The following RPRD1B variants were observed in gnomAD, a reference collection of about 807,000 sequenced individuals.
RPRD1B encodes the protein regulation of nuclear pre-mRNA domain-containing protein 1B.
A neutral mutation model predicts 41.5 loss-of-function variants in RPRD1B; 11 were observed. That is an observed-to-expected ratio of 0.27 (90% CI 0.17 to 0.44). The LOEUF is 0.44. RPRD1B is among the 20% of genes least tolerant of loss of function. The pLI is 1.00. For synonymous variants in RPRD1B, 158 were observed against 155.6 expected (o/e 1.02, Z -0.12); for missense variants, 248 against 389.9 (o/e 0.64, Z 3.06).
chr20:38,073,533 C>T (rs571751633), intron 6 of RPRD1B, among the ~76,000 whole-genome samples: 1 of 152,302 alleles, frequency 6.6e-6, no homozygotes, highest in South Asian at 2.1e-4. Flanking sequence ...TCTTTGGCTA[C>T]AGTTGAAGGG....
chr20:38,051,338 A>G (rs2074182996), intron 3 of RPRD1B, among the ~76,000 whole-genome samples: 1 of 152,230 alleles, frequency 6.6e-6, no homozygotes, highest in Admixed American at 6.5e-5. Context: ...TATTTGAGCC[A>G]CATGTGACTC....
At chr20:38,037,117 C>T (rs2074011464) in intron 1 of RPRD1B, among the ~76,000 whole-genome samples, 3 of 152,320 alleles carry the variant, frequency 2.0e-5, no homozygotes, top group Admixed American at 2.0e-4. Context: ...CAGACTGTCT[C>T]TGAGTTGCCT....
chr20:38,070,412 A>G, intron 6 of RPRD1B: 2 of 985,540 alleles, frequency 2.0e-6, no homozygotes, highest in Non-Finnish European at 2.4e-6. Context: ...TGGAGGGTAT[A>G]GAAGAAAGCC....
chr20:38,065,687 A>C (rs1034475417), intron 5 of RPRD1B, among the ~76,000 whole-genome samples: 1 of 152,192 alleles, frequency 6.6e-6, no homozygotes, highest in Non-Finnish European at 1.5e-5. Flanking sequence ...ACAGATACAG[A>C]ACCCACAGAT....
rs1410412967 is a variant in RPRD1B, at chr20:38,059,421, G to A, written c.556G>A (p.Asp186Asn). 3 of 1,613,686 alleles carry A rather than the reference G, an allele frequency of 1.9e-6. No homozygotes were observed. In the East Asian group the frequency reaches 6.7e-5, roughly 36 times the overall value. The change falls in exon 5 of 7, where the codon GAT becomes AAT. Residue 186 changes from aspartate (D) to asparagine (N), a missense_variant. Asp to Asn is a conservative substitution (Grantham distance 23). Transcript: ENST00000373433. ...LTEELIKALQ[D>N]LENAASGDAT... ...TGAGGAACTAATCAAAGCTTTGCAG[G>A]ATCTGGAAAATGCCGCATCAGGGGA...
intron 5 of RPRD1B, among the ~76,000 whole-genome samples, chr20:38,064,792 T>G (rs895578889): frequency 3.3e-5 from 5 of 152,174 alleles, no homozygotes; most frequent in African/African-American, 1.2e-4. Flanking sequence ...AAAGCCATCC[T>G]GGCTAACACA....
chr20:38,081,084 T>G (rs2074508186), intron 6 of RPRD1B, among the ~76,000 whole-genome samples: 1 of 152,226 alleles, frequency 6.6e-6, no homozygotes, highest in Non-Finnish European at 1.5e-5. Context: ...CAAAAATAGT[T>G]TTTCCTAATT....
intron 6 of RPRD1B, among the ~76,000 whole-genome samples, chr20:38,082,433 C>T (rs1421339003): frequency 1.3e-5 from 2 of 152,176 alleles, no homozygotes; most frequent in Non-Finnish European, 2.9e-5. Context: ...GTCCCCCAGG[C>T]TGGAGTAGAG....
intron 6 of RPRD1B, chr20:38,070,801 A>G: frequency 1.1e-6 from 1 of 872,316 alleles, no homozygotes; most frequent in South Asian, 5.3e-5. Flanking sequence ...AGTGCAGTAG[A>G]GCAATCTGAG....
chr20:38,059,517 A>G lies in RPRD1B; in HGVS notation c.652A>G (p.Thr218Ala), dbSNP rs2074275802. Residue 218 changes from threonine (T) to alanine (A), a missense_variant, in exon 5 of 7, where the codon ACA becomes GCA. By Grantham distance (58) the Thr-to-Ala change is moderately conservative. Around this residue, in one of 5 missense-constraint regions of RPRD1B, gnomAD observed 93 missense variants for 167.2 expected, o/e 0.56. Coordinates refer to ENST00000373433, the MANE Select transcript of RPRD1B (RefSeq NM_021215.4). ...VQDVSLLEKITDKEAAERLSK... is the reference protein window; with the variant it reads ...VQDVSLLEKIADKEAAERLSK... Reference sequence around the variant, plus strand: ...AGATGTTTCTCTATTGGAAAAAATAACAGGTGAGAAGGTAGAGTTTGGGTG... The same window carrying G: ...AGATGTTTCTCTATTGGAAAAAATAGCAGGTGAGAAGGTAGAGTTTGGGTG... 3 of 1,613,874 alleles carry G rather than the reference A, an allele frequency of 1.9e-6. No homozygotes were observed. The highest frequency in any genetic ancestry group is 2.5e-6 in the Non-Finnish European group (3 of 1,179,868).
intron 6 of RPRD1B, among the ~76,000 whole-genome samples, chr20:38,078,920 A>G (rs1358253502): frequency 1.3e-5 from 2 of 152,208 alleles, no homozygotes; most frequent in East Asian, 3.8e-4. Flanking sequence ...AATTTTAAGG[A>G]TATAATCAAA....
At chr20:38,088,532 C>T (rs1237965961) in intron 6 of RPRD1B, among the ~76,000 whole-genome samples, 6 of 152,214 alleles carry the variant, frequency 3.9e-5, no homozygotes, top group Non-Finnish European at 7.3e-5. Flanking sequence ...GCGTCAGGGA[C>T]CTACTTACCC....
At chr20:38,074,184 G>A (rs527858129) in intron 6 of RPRD1B, among the ~76,000 whole-genome samples, 3 of 151,446 alleles carry the variant, frequency 2.0e-5, no homozygotes, top group Admixed American at 6.6e-5. Context: ...CTTTTTTTCC[G>A]CCAGTTTCCC....
intron 6 of RPRD1B, chr20:38,070,661 G>T: frequency 2.0e-6 from 2 of 985,132 alleles, no homozygotes; most frequent in Non-Finnish European, 2.4e-6. Context: ...GTGTGTGTGT[G>T]AGAAAGAAAC....
At chr20:38,070,088 C>T (rs564181484) in intron 6 of RPRD1B, 166 of 524,454 alleles carry the variant, frequency 3.2e-4, no homozygotes, top group African/African-American at 1.4e-3. Flanking sequence ...TATGTTAGTA[C>T]GGAAAGGTAA....
At chr20:38,057,756 A>C in intron 4 of RPRD1B, 112 bp downstream of exon 4, 2 of 712,116 alleles carry the variant, frequency 2.8e-6, no homozygotes, top group Non-Finnish European at 4.8e-6. Context: ...ATCAGAGGGC[A>C]CCTCTCAGGG....
chr20:38,077,662 C>T (rs1478538630), intron 6 of RPRD1B, among the ~76,000 whole-genome samples: 5 of 152,134 alleles, frequency 3.3e-5, no homozygotes, highest in South Asian at 2.1e-4. Context: ...CCCTTCTCTG[C>T]GTCTTTGTCT....
At chr20:38,057,225 T>G (rs2074252300) in intron 3 of RPRD1B, among the ~76,000 whole-genome samples, 1 of 152,122 alleles carries the variant, frequency 6.6e-6, no homozygotes, top group Admixed American at 6.6e-5. Flanking sequence ...GTTTGCTTCA[T>G]TGTATTGTCC....
chr20:38,090,376 G>A lies in RPRD1B; in HGVS notation c.*501G>A, dbSNP rs1173041383. 6.1e-6 allele frequency: 6 copies of A among 986,076 alleles called. No individual in the cohort carries two copies. Among genetic ancestry groups the A allele is most frequent in the Admixed American group, 6.1e-5 (1 of 16,300 alleles). 61.1% of individuals were successfully genotyped at this position (986,076 alleles called of 1,614,324 possible). The stretch of plus-strand genomic sequence containing the variant: ...CCAAAAGGTTGTAGGCACAGCTGTC[G>A]TAGCGTTGCCATAAAGAGTTTGCCA... On this transcript the variant is annotated 3_prime_UTR_variant, in exon 7 of 7. Transcript: ENST00000373433.
Sources: gnomAD v4.1 joint callset for allele counts (sites outside exome capture counted in the v4.1 genomes callset) on GRCh38, gnomAD v4.1.1 for gene constraint, gnomAD v4.1.1 regional missense constraint, MANE v1.5 for transcripts, NCBI Gene and HGNC (gene_info 2026-07-23, HGNC 2026-07-21) for gene names.